The following KLF12 variants were observed in gnomAD, a reference collection of about 807,000 sequenced individuals.
The protein encoded by KLF12 is KLF transcription factor 12, also known as Krueppel-like factor 12.
Under a neutral mutation model 37.8 loss-of-function variants are expected in KLF12, and 9 were observed. The ratio of observed to expected loss-of-function variants is 0.24; its 90% CI spans 0.14 to 0.42. KLF12 has a LOEUF of 0.42. Ranked by LOEUF, KLF12 falls within the 10% of genes least tolerant of loss-of-function variation. The pLI, the probability that KLF12 is intolerant of heterozygous loss-of-function variation, is 1.00. For missense variants in KLF12, 411 were observed against 516.0 expected (o/e 0.80, Z 1.97); for synonymous variants, 208 against 202.1 (o/e 1.03, Z -0.25).
chr13:74,112,384 TTGTCTGTGTG>T (rs148829122), intron 1 of KLF12, among the ~76,000 whole-genome samples: 17,696 of 145,204 alleles, frequency 0.12, 1,239 homozygotes, highest in South Asian at 0.17. Flanking sequence ...TTTGCAGATA[TTGTCTGTGTG>T]TGTGTGTGTG....
intron 6 of KLF12, among the ~76,000 whole-genome samples, chr13:73,759,302 T>C (rs1879392780): frequency 6.6e-6 from 1 of 152,130 alleles, no homozygotes; most frequent in Non-Finnish European, 1.5e-5. Flanking sequence ...CATATTAAAG[T>C]CCATGCATAA....
At chr13:74,024,369 G>A (rs1385745203) in intron 1 of KLF12, among the ~76,000 whole-genome samples, 1 of 152,174 alleles carries the variant, frequency 6.6e-6, no homozygotes, top group African/African-American at 2.4e-5. Flanking sequence ...AATGGTTTAT[G>A]TATTTGATTG....
chr13:74,173,359 C>T, the KLF12 span, among the ~76,000 whole-genome samples: 1 of 152,170 alleles, frequency 6.6e-6, no homozygotes, highest in Non-Finnish European at 1.5e-5. Context: ...CTTCTTTCTT[C>T]CTTCTTTTGG....
At chr13:74,059,232 G>A (rs1873434042) in intron 1 of KLF12, among the ~76,000 whole-genome samples, 1 of 152,200 alleles carries the variant, frequency 6.6e-6, no homozygotes, top group South Asian at 2.1e-4. Context: ...ATTGTGAATA[G>A]TGCTGCGATA....
At chr13:73,907,565 T>C (rs2139126756) in intron 3 of KLF12, among the ~76,000 whole-genome samples, 2 of 152,298 alleles carry the variant, frequency 1.3e-5, no homozygotes, top group South Asian at 4.1e-4. Flanking sequence ...TCAAAAAACA[T>C]GAAAGATCCT....
At chr13:73,926,453 G>C (rs1238621744) in intron 3 of KLF12, among the ~76,000 whole-genome samples, 1 of 152,060 alleles carries the variant, frequency 6.6e-6, no homozygotes, top group African/African-American at 2.4e-5. Flanking sequence ...ACACTTAATA[G>C]AATACAGTAG....
At chr13:74,117,394 C>T (rs1877372017) in intron 1 of KLF12, among the ~76,000 whole-genome samples, 1 of 152,104 alleles carries the variant, frequency 6.6e-6, no homozygotes, top group Non-Finnish European at 1.5e-5. Context: ...CCAGAAAAAT[C>T]TAAATAAGAG....
chr13:73,977,407 C>T (rs917849586), intron 2 of KLF12, among the ~76,000 whole-genome samples: 1 of 152,130 alleles, frequency 6.6e-6, no homozygotes, highest in Non-Finnish European at 1.5e-5. Flanking sequence ...TGAACTACCC[C>T]ATATAGCAAA....
intron 1 of KLF12, among the ~76,000 whole-genome samples, chr13:74,063,011 T>G (rs1048562206): frequency 6.6e-6 from 1 of 152,118 alleles, no homozygotes; most frequent in African/African-American, 2.4e-5. Context: ...CGGTGTGAAA[T>G]GGTGATGCTG....
rs185410735 is a variant in KLF12, at chr13:74,004,322, T to A, written c.-31-9269A>T. Among the ~76,000 whole-genome samples the A allele has an allele frequency of 6.5e-3, 993 of 152,310 alleles. 5 individuals carry two copies. The highest frequency in any genetic ancestry group is 0.013 in the Admixed American group (192 of 15,302). Reference sequence around the variant, plus strand: ...GAATTTACTATGTGCTAGCAACTGTTCTAACTACTCTATTGTCTATTAACT... The same window carrying A: ...GAATTTACTATGTGCTAGCAACTGTACTAACTACTCTATTGTCTATTAACT... On this transcript the variant is annotated intron_variant, in intron 1 of 7. Transcript: ENST00000377669.
the KLF12 span, among the ~76,000 whole-genome samples, chr13:74,203,965 A>T: frequency 1.3e-5 from 2 of 152,128 alleles, no homozygotes; most frequent in Non-Finnish European, 2.9e-5. Flanking sequence ...AAAAGATACA[A>T]ATACTACACA....
chr13:74,103,380 T>C (rs1876472292), intron 1 of KLF12, among the ~76,000 whole-genome samples: 1 of 152,186 alleles, frequency 6.6e-6, no homozygotes, highest in Non-Finnish European at 1.5e-5. Flanking sequence ...AAAATGTGTG[T>C]GTTCAAAGAT....
chr13:73,960,336 T>C (rs1890982523), intron 2 of KLF12: 1 of 276,338 alleles, frequency 3.6e-6, no homozygotes, highest in South Asian at 3.3e-5. Flanking sequence ...CACTCAAAAT[T>C]GGAGCTGATA....
At chr13:74,062,861 C>T (rs1479711892) in intron 1 of KLF12, among the ~76,000 whole-genome samples, 1 of 152,192 alleles carries the variant, frequency 6.6e-6, no homozygotes, top group African/African-American at 2.4e-5. Flanking sequence ...CCACAGGAAC[C>T]TATTTTGTTG....
chr13:74,103,768 C>T (rs1343138321), intron 1 of KLF12, among the ~76,000 whole-genome samples: 1 of 152,128 alleles, frequency 6.6e-6, no homozygotes, highest in Admixed American at 6.5e-5. Flanking sequence ...TCAACTATGC[C>T]TAATTTCAAA....
At chr13:73,823,740 C>T (rs1037724559) in intron 4 of KLF12, among the ~76,000 whole-genome samples, 35 of 151,804 alleles carry the variant, frequency 2.3e-4, no homozygotes, top group African/African-American at 6.3e-4. Flanking sequence ...GAGAGAGTTT[C>T]GCTCTTGTTG....
chr13:74,293,806 T>A, the KLF12 span, among the ~76,000 whole-genome samples: 14 of 152,220 alleles, frequency 9.2e-5, no homozygotes, highest in Non-Finnish European at 8.8e-5. Context: ...CACCTGTGGC[T>A]GCTTCTTTTT....
chr13:74,055,375 A>T (rs1288817911), intron 1 of KLF12, among the ~76,000 whole-genome samples: 1 of 152,250 alleles, frequency 6.6e-6, no homozygotes, highest in Non-Finnish European at 1.5e-5. Context: ...ACACAACAAC[A>T]AATCAATACA....
intron 1 of KLF12, among the ~76,000 whole-genome samples, chr13:73,999,636 A>T (rs1176600766): frequency 6.6e-6 from 1 of 151,790 alleles, no homozygotes; most frequent in Non-Finnish European, 1.5e-5. Flanking sequence ...GCTACTCTGG[A>T]GGCTGAGGCA....
Sources: gnomAD v4.1 joint callset for allele counts (sites outside exome capture counted in the v4.1 genomes callset) on GRCh38, gnomAD v4.1.1 for gene constraint, MANE v1.5 for transcripts, NCBI Gene and HGNC (gene_info 2026-07-23, HGNC 2026-07-21) for gene names.